The following PSMD2 variants were observed in gnomAD, a reference collection of about 807,000 sequenced individuals.
PSMD2 encodes 26S proteasome non-ATPase regulatory subunit 2.
Under a neutral mutation model 101.5 loss-of-function variants are expected in PSMD2, and 8 were observed. That is an observed-to-expected ratio of 0.08 (90% CI 0.05 to 0.14). The LOEUF (loss-of-function observed/expected upper bound fraction) is 0.14, where lower values mean the gene tolerates loss of function less well. Ranked by LOEUF, PSMD2 falls within the 10% of genes least tolerant of loss-of-function variation. PSMD2 has a pLI of 1.00. For synonymous variants in PSMD2, 418 were observed against 433.8 expected (o/e 0.96, Z 0.45); for missense variants, 784 against 1,147.4 (o/e 0.68, Z 4.58).
chr3:184,300,630 T>G (rs1159773020), intron 3 of PSMD2, 186 bp downstream of exon 3: 2 of 1,403,938 alleles, frequency 1.4e-6, no homozygotes, highest in Non-Finnish European at 1.8e-6. Flanking sequence ...CAGAAGACAC[T>G]GTTTCTGTCA....
In PSMD2 at chr3:184,300,711, TTTC is replaced by T. The variant is rs1415701058; in HGVS notation, c.357+272_357+274del. 6 of 1,134,712 alleles carry T rather than the reference TTTC, an allele frequency of 5.3e-6. No homozygotes were observed. The East Asian group carries it at 2.5e-4, about 47-fold the overall frequency. The allele number at this position is 1,134,712 out of a possible 1,614,324, so 70.3% of individuals were successfully genotyped here. A position where few individuals can be genotyped will look rare whatever the true frequency, so the allele number is the denominator to read the frequency against. On this transcript the variant is annotated intron_variant, in intron 3 of 20. Transcript: ENST00000310118. ...GTATGTTTAACCTTGATTTTTCTCT[TTTC>T]TTCTATCCCATATACATTCATTTAT...
rs1274704265 is a variant in PSMD2, at chr3:184,309,007, T to C, written c.*117T>C. On this transcript the variant is annotated 3_prime_UTR_variant, in exon 21 of 21. Coordinates refer to ENST00000310118, the MANE Select transcript of PSMD2 (RefSeq NM_002808.5). ...GAATTGTCGCCTCCTGCTCTTTTGT[T>C]ACTGAGTGAGATAAGGTTGTTCAAT... is the stretch of plus-strand genomic sequence containing the variant. 1.9e-6 allele frequency: 2 copies of C among 1,077,434 alleles called. No homozygotes were observed. Among genetic ancestry groups the C allele is most frequent in the Non-Finnish European group, 2.7e-6 (2 of 740,598 alleles). 66.7% of individuals were successfully genotyped at this position (1,077,434 alleles called of 1,614,324 possible). A position where few individuals can be genotyped will look rare whatever the true frequency, so the allele number is the denominator to read the frequency against.
chr3:184,308,623 A>G lies in PSMD2; in HGVS notation c.2544+56A>G. On this transcript the variant is annotated intron_variant, in intron 20 of 20. Coordinates refer to ENST00000310118, the MANE Select transcript of PSMD2 (RefSeq NM_002808.5). This position sits in a 1 kb window ranked among gnomAD's most constrained non-coding sequence, Gnocchi z 6.0. ...GCTGTATTCTCAAACTGGAGAATGT[A>G]CATATACTTGCTTTGCTGAAACTGG... The G allele has an allele frequency of 1.9e-6, 3 of 1,587,152 alleles. No homozygotes were observed. Among genetic ancestry groups the G allele is most frequent in the East Asian group, 2.2e-5 (1 of 44,562 alleles).
chr3:184,301,973 T>C lies in PSMD2; in HGVS notation c.606T>C (p.His202=), dbSNP rs1289576838. 1.9e-6 allele frequency: 3 copies of C among 1,614,200 alleles called. No individual in the cohort carries two copies. The highest frequency in any genetic ancestry group is 2.2e-5 in the East Asian group (1 of 44,880). Residue 202 remains histidine (H), a synonymous_variant, in exon 5 of 21, where the codon CAT becomes CAC. Coordinates refer to ENST00000310118, the MANE Select transcript of PSMD2 (RefSeq NM_002808.5). ...VPYNMAHNAE[H]EACDLLMEIE... ...ATAACATGGCCCACAATGCAGAGCATGAGGCTTGCGACCTGCTTATGGAAA... is the reference window on the plus strand; with the variant it reads ...ATAACATGGCCCACAATGCAGAGCACGAGGCTTGCGACCTGCTTATGGAAA...
Position 184,308,662 on chromosome 3 carries a change from T to C in PSMD2, c.2545-46T>C. 6.3e-7 allele frequency: 1 copy of C among 1,595,024 alleles called. No individual in the cohort carries two copies. The highest frequency in any genetic ancestry group is 8.6e-7 in the Non-Finnish European group (1 of 1,164,504). ...TGCTGAAACTGGCGTGGGCGGTGGC[T>C]TGTCGCTACTTTTCCATCTCTCTTT... On this transcript the variant is annotated intron_variant, in intron 20 of 20. Transcript: ENST00000310118. The surrounding 1 kb of genome is among the most constrained non-coding windows in gnomAD (Gnocchi z 6.0).
intron 3 of PSMD2, 127 bp from the exon 4 acceptor site, chr3:184,301,410 A>G (rs1488133229): frequency 1.6e-6 from 2 of 1,230,308 alleles, no homozygotes; most frequent in African/African-American, 3.0e-5. Flanking sequence ...ATAACATGTT[A>G]AATTTCTAGT....
At chr3:184,302,095 G>A in intron 5 of PSMD2, 24 bp downstream of exon 5, 1 of 1,607,008 alleles carries the variant, frequency 6.2e-7, no homozygotes, top group Non-Finnish European at 8.5e-7. Flanking sequence ...GTAGGGAAGG[G>A]TGGCAGGCAT....
At position 184,303,760 on chromosome 3, in the gene PSMD2, A is replaced by G. The variant is rs748337225; in HGVS notation, c.1323+11A>G. 6.8e-6 allele frequency: 11 copies of G among 1,613,384 alleles called. No individual in the cohort carries two copies. The highest frequency in any genetic ancestry group is 1.1e-5 in the South Asian group (1 of 91,070). On this transcript the variant is annotated intron_variant, in intron 10 of 20. Coordinates refer to ENST00000310118, the MANE Select transcript of PSMD2 (RefSeq NM_002808.5). ...GAGGACTACATTAAGGTTGGTCTGCATACAGCCTGCTCATGGGGACTTCCC... is the reference window on the plus strand; with the variant it reads ...GAGGACTACATTAAGGTTGGTCTGCGTACAGCCTGCTCATGGGGACTTCCC...
In PSMD2 at chr3:184,307,634, G is replaced by A. The variant is rs1320781774; in HGVS notation, c.2224G>A (p.Ala742Thr). The A allele has an allele frequency of 1.2e-6, 2 of 1,613,948 alleles. No homozygotes were observed. The highest frequency in any genetic ancestry group is 1.3e-5 in the African/African-American group (1 of 74,898). The change falls in exon 18 of 21, where the codon GCT becomes ACT. Residue 742 changes from alanine (A) to threonine (T), a missense_variant. Physicochemically the swap from Ala to Thr is moderately conservative, Grantham distance 58. Transcript: ENST00000310118. Reference sequence around the variant, plus strand: ...TCCAGGTACCAATAATGCCCGTCTGGCTGCAATGCTGCGCCAGTTAGCTCA... The same window carrying A: ...TCCAGGTACCAATAATGCCCGTCTGACTGCAATGCTGCGCCAGTTAGCTCA... Reference protein sequence around the residue: ...VGSGTNNARLAAMLRQLAQYH... With the variant: ...VGSGTNNARLTAMLRQLAQYH...
Position 184,304,431 on chromosome 3 carries a change from G to A in PSMD2, c.1539+40G>A. On this transcript the variant is annotated intron_variant, in intron 12 of 20. Coordinates refer to ENST00000310118, the MANE Select transcript of PSMD2 (RefSeq NM_002808.5). The surrounding 1 kb of genome is among the most constrained non-coding windows in gnomAD (Gnocchi z 4.1). ...TTGAGCATTTAGAGTAAGTAGGGAA[G>A]GTGCTTTGAGTCTTACTTTCTGTGA... 2.5e-6 allele frequency: 4 copies of A among 1,571,954 alleles called. No homozygotes were observed. The highest frequency in any genetic ancestry group is 3.5e-6 in the Non-Finnish European group (4 of 1,141,804).
At position 184,303,668 on chromosome 3, in the gene PSMD2, T is replaced by C; in HGVS notation, c.1242T>C (p.Leu414=). ...DHGMLSAAAS[L]GMILLWDVDG... ...GAATGTTGAGTGCAGCTGCATCTCT[T>C]GGGATGATTCTGCTGTGGGATGTGG... Residue 414 remains leucine, a synonymous_variant, in exon 10 of 21, where the codon CTT becomes CTC. Transcript: ENST00000310118. 6.2e-7 allele frequency: 1 copy of C among 1,614,214 alleles called. No homozygotes were observed. Among genetic ancestry groups the C allele is most frequent in the Non-Finnish European group, 8.5e-7 (1 of 1,180,040 alleles).
intron 16 of PSMD2, 32 bp from the exon 17 acceptor site, chr3:184,307,325 C>T (rs749724287): frequency 9.3e-6 from 15 of 1,610,686 alleles, no homozygotes; most frequent in East Asian, 4.5e-5. Context: ...TACTGCATTC[C>T]GCCTTACTGT....
At chr3:184,302,219 C>G (rs1237758560) in intron 5 of PSMD2, 148 bp downstream of exon 5, 1 of 1,174,472 alleles carries the variant, frequency 8.5e-7, no homozygotes, top group African/African-American at 1.5e-5. Flanking sequence ...TTCTTGAGGA[C>G]AGAGACTTTG....
chr3:184,307,733 A>G, intron 18 of PSMD2, 25 bp downstream of exon 18: 6 of 1,611,418 alleles, frequency 3.7e-6, no homozygotes, highest in Non-Finnish European at 5.1e-6. Flanking sequence ...TCCTCCACAG[A>G]GCGTGCCGGG....
At position 184,306,359 on chromosome 3, in the gene PSMD2, A is replaced by G. The variant is rs1287654012; in HGVS notation, c.1814A>G (p.Asn605Ser). ...VDVCAYAGSGNVLKVQQLLHI... is the reference protein window; with the variant it reads ...VDVCAYAGSGSVLKVQQLLHI... ...CACCACCCTGACGCAGGCTCTGGGA[A>G]TGTGCTGAAGGTGCAGCAGCTGCTC... Residue 605 changes from asparagine (N) to serine (S), a missense_variant, in exon 15 of 21, where the codon AAT (asparagine) becomes AGT (serine). By Grantham distance (46) the Asn-to-Ser change is conservative (BLOSUM62 1). This residue lies in a region of PSMD2 where 282 missense variants were observed against 437.6 expected (regional missense o/e 0.64). Coordinates refer to ENST00000310118, the MANE Select transcript of PSMD2 (RefSeq NM_002808.5). 6.2e-6 allele frequency: 10 copies of G among 1,613,988 alleles called. No homozygotes were observed. Among genetic ancestry groups the G allele is most frequent in the Non-Finnish European group, 8.5e-6 (10 of 1,179,956 alleles).
intron 5 of PSMD2, 114 bp from the exon 6 acceptor site, chr3:184,302,256 G>C: frequency 8.1e-7 from 1 of 1,241,240 alleles, no homozygotes; most frequent in Non-Finnish European, 1.1e-6. Flanking sequence ...CTAACATCTA[G>C]CACAGTGCCT....
chr3:184,304,508 C>G lies in PSMD2; in HGVS notation c.1539+117C>G. ...TGCATGTGTGCATACATGTACATGC[C>G]TGTTGGTGTGTATTGAGGGGCGTCA... On this transcript the variant is annotated intron_variant, in intron 12 of 20. Transcript: ENST00000310118. This position sits in a 1 kb window ranked among gnomAD's most constrained non-coding sequence, Gnocchi z 4.1. 2 of 1,044,434 alleles carry G rather than the reference C, an allele frequency of 1.9e-6. No homozygotes were observed. Among genetic ancestry groups the G allele is most frequent in the South Asian group, 2.7e-5 (2 of 74,910 alleles). The allele number at this position is 1,044,434 out of a possible 1,614,324, so 64.7% of individuals were successfully genotyped here.
At chr3:184,305,487 CA>C (rs200304556) in intron 12 of PSMD2, among the ~76,000 whole-genome samples, 146 of 112,056 alleles carry the variant, frequency 1.3e-3, no homozygotes, top group Middle Eastern at 9.3e-3. Flanking sequence ...GACTCTGTCT[CA>C]AAAAAAAAAA....
rs2108440200 is a variant in PSMD2 at position 184,300,352 on chromosome 3, A to G, written c.265A>G (p.Met89Val). 2 of 1,613,876 alleles carry G rather than the reference A, an allele frequency of 1.2e-6. No individual in the cohort carries two copies. Among genetic ancestry groups the G allele is most frequent in the African/African-American group, 1.3e-5 (1 of 75,042 alleles). ...GCAGATTCGTTCTTCTACAACTTCC[A>G]TGACTTCAGTGCCCAAGCCTCTCAA... ...RRQIRSSTTS[M>V]TSVPKPLKFL... Residue 89 changes from methionine to valine, a missense_variant, in exon 3 of 21, where the codon ATG (methionine) becomes GTG (valine). Physicochemically the swap from Met to Val is conservative, Grantham distance 21 (BLOSUM62 1). Around this residue, in one of 6 missense-constraint regions of PSMD2, gnomAD observed 196 missense variants for 182.4 expected, o/e 1.07. Transcript: ENST00000310118.
Sources: allele counts gnomAD v4.1 joint callset (sites outside exome capture counted in the v4.1 genomes callset), GRCh38; gene constraint gnomAD v4.1.1; regional missense constraint gnomAD v4.1.1; non-coding constraint Gnocchi (gnomAD v3.1); transcripts MANE v1.5; gene names NCBI Gene and HGNC (gene_info 2026-07-23, HGNC 2026-07-21).